The following GPSM2 variants were observed in gnomAD, a reference collection of about 807,000 sequenced individuals.
GPSM2 encodes G protein-signaling modulator 2.
GPSM2 carries 58 observed loss-of-function variants against 78.4 expected under a neutral mutation model. The ratio of observed to expected loss-of-function variants is 0.74; its 90% CI spans 0.60 to 0.92. The LOEUF (loss-of-function observed/expected upper bound fraction) is 0.92, where lower values mean the gene tolerates loss of function less well. Among genes scored for constraint, GPSM2 ranks in the 40% least tolerant of loss-of-function variants. GPSM2 has a pLI of 0.00. For missense variants in GPSM2, 700 were observed against 815.5 expected (o/e 0.86, Z 1.73); for synonymous variants, 224 against 280.2 (o/e 0.80, Z 2.00).
intron 1 of GPSM2, among the ~76,000 whole-genome samples, chr1:108,882,260 A>G (rs967108692): frequency 1.3e-5 from 2 of 152,202 alleles, no homozygotes; most frequent in African/African-American, 4.8e-5. Context: ...TAAGAAAAAT[A>G]TTTAAATTTA....
chr1:108,930,568 G>A lies in GPSM2; in HGVS notation c.*628G>A, dbSNP rs779500884. ...AGGCTAGGAGTTCAAGACCAACCTG[G>A]GCAACATAGACCCCCGTGTCTATGA... On this transcript the variant is annotated 3_prime_UTR_variant, in exon 15 of 15. Transcript: ENST00000264126. 1 of 150,350 alleles carries A rather than the reference G, an allele frequency of 6.7e-6. No individual in the cohort carries two copies. Among genetic ancestry groups the A allele is most frequent in the Non-Finnish European group, 1.5e-5 (1 of 67,974 alleles). 9.3% of individuals were successfully genotyped at this position (150,350 alleles called of 1,614,324 possible).
At chr1:108,924,457 A>G in intron 14 of GPSM2, 1 of 549,978 alleles carries the variant, frequency 1.8e-6, no homozygotes, top group South Asian at 2.0e-5. Context: ...GTATATATAT[A>G]GAGAGAGAGT....
At chr1:108,922,168 A>G (rs892339515) in intron 12 of GPSM2, among the ~76,000 whole-genome samples, 6 of 152,218 alleles carry the variant, frequency 3.9e-5, no homozygotes, top group Non-Finnish European at 5.9e-5. Context: ...ATAATTCAGT[A>G]TCTGTAGTGG....
rs1649043660 is a variant in GPSM2, at chr1:108,904,114, TTG to T, written c.1063-7_1063-6del. On this transcript the variant is annotated splice_polypyrimidine_tract_variant and intron_variant, in intron 9 of 14. Transcript: ENST00000264126. Reference sequence around the variant, plus strand: ...AAATACTACTCTAAAATATAAATGTTTGTGTTGTAGGTTGGGGATAAAAGTGG... The same window carrying T: ...AAATACTACTCTAAAATATAAATGTTTGTTGTAGGTTGGGGATAAAAGTGG... 2 of 1,574,864 alleles carry T rather than the reference TTG, an allele frequency of 1.3e-6. No homozygotes were observed. Among genetic ancestry groups the T allele is most frequent in the Non-Finnish European group, 1.7e-6 (2 of 1,145,550 alleles).
chr1:108,915,374 A>C (rs1650117538), intron 11 of GPSM2, among the ~76,000 whole-genome samples: 2 of 150,922 alleles, frequency 1.3e-5, no homozygotes, highest in Admixed American at 1.3e-4. Context: ...GTCTCAAAAA[A>C]AAAAAAAAAA....
At chr1:108,898,604 G>T in intron 5 of GPSM2, 38 bp from the exon 6 acceptor site, 1 of 1,607,308 alleles carries the variant, frequency 6.2e-7, no homozygotes, top group South Asian at 1.1e-5. Flanking sequence ...AAATTGTTCT[G>T]CAAACTTATT....
In GPSM2 at chr1:108,931,628, T is replaced by TAAAA. The variant is rs71593448; in HGVS notation, c.*1700_*1703dup. ...GAATTAATTACATTAAGTGCTCAGC[T>TAAAA]AAAAAAAAAAAAAAAGTTCTAAATT... On this transcript the variant is annotated 3_prime_UTR_variant, in exon 15 of 15. Transcript: ENST00000264126. The TAAAA allele has an allele frequency of 3.9e-4, 318 of 811,004 alleles. No individual in the cohort carries two copies. Among genetic ancestry groups the TAAAA allele is most frequent in the Middle Eastern group, 1.3e-3 (3 of 2,286 alleles). The allele number at this position is 811,004 out of a possible 1,614,324, so 50.2% of individuals were successfully genotyped here. A position where few individuals can be genotyped will look rare whatever the true frequency, so the allele number is the denominator to read the frequency against.
At chr1:108,882,643 C>T (rs535355747) in intron 1 of GPSM2, 2 of 152,166 alleles carry the variant, frequency 1.3e-5, no homozygotes, top group Non-Finnish European at 2.9e-5. Context: ...AATTCTAATA[C>T]CTCTCTTTCT....
chr1:108,897,408 T>C (rs536106146), intron 3 of GPSM2, 84 bp from the exon 4 acceptor site: 2 of 1,362,532 alleles, frequency 1.5e-6, no homozygotes, highest in South Asian at 1.3e-5. Context: ...CTTGGAAAAC[T>C]GTACTCTGGC....
intron 14 of GPSM2, among the ~76,000 whole-genome samples, chr1:108,929,191 G>A (rs1016465989): frequency 2.0e-5 from 3 of 152,138 alleles, no homozygotes; most frequent in Admixed American, 2.0e-4. Flanking sequence ...CATATGTATT[G>A]ATGGGAAAAT....
At chr1:108,898,582 AT>A (rs1260786945) in intron 5 of GPSM2, 59 bp from the exon 6 acceptor site, 2 of 1,511,510 alleles carry the variant, frequency 1.3e-6, no homozygotes, top group Non-Finnish European at 1.8e-6. Flanking sequence ...AGATATGTAA[AT>A]CACATACATA....
rs1370358513 is a variant in GPSM2, at chr1:108,885,411, AACTCATTAAT to A, written c.-110_-101del. ...CAGGAGCTTAGGATGTATTAACACC[AACTCATTAAT>A]ATACTAACCGGACAATGTTCTACAA... On this transcript the variant is annotated 5_prime_UTR_variant, in exon 2 of 15. Transcript: ENST00000264126. 3.0e-6 allele frequency: 2 copies of A among 662,624 alleles called. No homozygotes were observed. The highest frequency in any genetic ancestry group is 2.3e-5 in the Admixed American group (1 of 43,136). The allele number at this position is 662,624 out of a possible 1,614,324, so 41.0% of individuals were successfully genotyped here.
intron 1 of GPSM2, among the ~76,000 whole-genome samples, chr1:108,879,364 T>A (rs886676766): frequency 1.3e-5 from 2 of 152,250 alleles, no homozygotes; most frequent in Non-Finnish European, 2.9e-5. Flanking sequence ...TCGTTGGTGT[T>A]GTGAGATGAC....
intron 12 of GPSM2, among the ~76,000 whole-genome samples, chr1:108,919,992 C>G (rs1650576714): frequency 6.6e-6 from 1 of 151,582 alleles, no homozygotes; most frequent in South Asian, 2.1e-4. Context: ...GTGGTAAAAC[C>G]CTGTCTCTAC....
Position 108,929,839 on chromosome 1 carries a change from A to C in GPSM2, c.1954A>C (p.Arg652=). 6.2e-7 allele frequency: 1 copy of C among 1,614,084 alleles called. No individual in the cohort carries two copies. The highest frequency in any genetic ancestry group is 8.5e-7 in the Non-Finnish European group (1 of 1,179,940). The stretch of plus-strand genomic sequence containing the variant: ...GGATGAACAGAGAGTTCTTTTACAA[A>C]GAGATCAAAACAGAGACACTGACTT... ...RMDEQRVLLQ[R]DQNRDTDFGL... is the part of the protein sequence containing the mutation. The change falls in exon 15 of 15, where the codon AGA becomes CGA. Residue 652 remains arginine, a synonymous_variant. Transcript: ENST00000264126.
rs1213079898 is a variant in GPSM2, at chr1:108,931,216, A to G, written c.*1276A>G. ...GGTCAAGAACCTAGGACACATAAACAAACAGAAAACAGATGAAAACTCACA... is the reference window on the plus strand; with the variant it reads ...GGTCAAGAACCTAGGACACATAAACGAACAGAAAACAGATGAAAACTCACA... On this transcript the variant is annotated 3_prime_UTR_variant, in exon 15 of 15. Transcript: ENST00000264126. 45 of 1,302,620 alleles carry G rather than the reference A, an allele frequency of 3.5e-5. No homozygotes were observed. The highest frequency in any genetic ancestry group is 3.1e-6 in the Non-Finnish European group (3 of 978,056). 80.7% of individuals were successfully genotyped at this position (1,302,620 alleles called of 1,614,324 possible). A position where few individuals can be genotyped will look rare whatever the true frequency, so the allele number is the denominator to read the frequency against.
chr1:108,897,376 C>A, intron 3 of GPSM2, 116 bp from the exon 4 acceptor site: 1 of 1,005,130 alleles, frequency 9.9e-7, no homozygotes, highest in Non-Finnish European at 1.5e-6. Flanking sequence ...TTTTTCTTAC[C>A]TTAAGCATGT....
At chr1:108,880,146 A>G (rs772095538) in intron 1 of GPSM2, among the ~76,000 whole-genome samples, 1 of 152,266 alleles carries the variant, frequency 6.6e-6, no homozygotes. Flanking sequence ...TTGAATAGAA[A>G]CATTTATTTT....
rs1431559241 is a variant in GPSM2, at chr1:108,897,370, TCTTAC to T, written c.279-117_279-113del. ...GTAGGTTTCAAAGCCAATGGGTTTT[TCTTAC>T]CTTAAGCATGTCAGTTTGTCCTCTT... is the stretch of plus-strand genomic sequence containing the variant. On this transcript the variant is annotated intron_variant, in intron 3 of 14. Transcript: ENST00000264126. 6.4e-6 allele frequency: 6 copies of T among 937,352 alleles called. No individual in the cohort carries two copies. The Admixed American group carries it at 1.5e-4, about 23-fold the overall frequency. The allele number at this position is 937,352 out of a possible 1,614,324, so 58.1% of individuals were successfully genotyped here.
Sources: gnomAD v4.1 joint callset for allele counts (sites outside exome capture counted in the v4.1 genomes callset) on GRCh38, gnomAD v4.1.1 for gene constraint, MANE v1.5 for transcripts, NCBI Gene and HGNC (gene_info 2026-07-23, HGNC 2026-07-21) for gene names.